The following PPP2R2C variants were observed in gnomAD, a reference collection of about 807,000 sequenced individuals.
PPP2R2C encodes the protein protein phosphatase 2 regulatory subunit Bgamma, also known as protein phosphatase 2, regulatory subunit B, gamma.
Under a neutral mutation model 45.3 loss-of-function variants are expected in PPP2R2C, and 10 were observed. That is an observed-to-expected ratio of 0.22 (90% confidence interval 0.14 to 0.37). The LOEUF (loss-of-function observed/expected upper bound fraction) is 0.37, where lower values mean the gene tolerates loss of function less well. Ranked by LOEUF, PPP2R2C falls within the 10% of genes least tolerant of loss-of-function variation. PPP2R2C has a pLI of 1.00. For missense variants in PPP2R2C, 308 were observed against 619.7 expected, an observed-to-expected ratio of 0.50 and a Z score of 5.34; for synonymous variants, 257 against 245.4, an observed-to-expected ratio of 1.05 and a Z score of -0.44.
chr4:6,403,883 A>C (rs1366926744), intron 1 of PPP2R2C, among the ~76,000 whole-genome samples: 1 of 149,356 alleles, frequency 6.7e-6, no homozygotes, highest in African/African-American at 2.5e-5. Flanking sequence ...AAAAAAAAGT[A>C]CAACAAATCC....
At chr4:6,440,296 T>C (rs1669818409) in intron 1 of PPP2R2C, among the ~76,000 whole-genome samples, 1 of 152,222 alleles carries the variant, frequency 6.6e-6, no homozygotes, top group Admixed American at 6.5e-5. Context: ...ATTTAAGTTA[T>C]CAGAAAAGAG....
chr4:6,407,931 C>A (rs1717908718), intron 1 of PPP2R2C, among the ~76,000 whole-genome samples: 1 of 152,156 alleles, frequency 6.6e-6, no homozygotes, highest in African/African-American at 2.4e-5. Flanking sequence ...GCATAAAACA[C>A]ACACCGAATT....
Position 6,380,993 on chromosome 4 carries a change from G to A in PPP2R2C, c.168+4C>T, listed in dbSNP as rs760219922. Reference sequence around the variant, plus strand: ...CACCTCCCACCAGACCCAGGGCTTCGCACCTCTGGTTCCCGCTGGAAGATG... The same window carrying A: ...CACCTCCCACCAGACCCAGGGCTTCACACCTCTGGTTCCCGCTGGAAGATG... On this transcript the variant is annotated splice_donor_region_variant and intron_variant, in intron 2 of 8. Transcript: ENST00000382599. 6.8e-5 allele frequency: 102 copies of A among 1,509,330 alleles called. No individual in the cohort carries two copies. Among genetic ancestry groups the A allele is most frequent in the Admixed American group, 2.6e-4 (13 of 50,614 alleles). 93.5% of individuals were successfully genotyped at this position (1,509,330 alleles called of 1,614,324 possible).
intron 2 of PPP2R2C, among the ~76,000 whole-genome samples, chr4:6,525,295 C>T (rs148822429): frequency 0.012 from 1,771 of 151,770 alleles, 33 homozygotes; most frequent in African/African-American, 0.038. Flanking sequence ...ATCCCAGCTA[C>T]TCGGGAGGCT....
Position 6,323,565 on chromosome 4 carries a change from AGTT to A in PPP2R2C, c.1078_1080del (p.Asn360del). The A allele has an allele frequency of 1.9e-6, 3 of 1,575,106 alleles. No individual in the cohort carries two copies. The highest frequency in any genetic ancestry group is 1.7e-5 in the Admixed American group (1 of 58,586). On this transcript the variant is annotated inframe_deletion, in exon 9 of 9. Transcript: ENST00000382599. ...GTGTTCCGATCGAACATGCGGAAGA[AGTT>A]GTTGTAGGCCCCGGTCATGATGACG...
At chr4:6,472,643 C>T (rs1721978681), upstream of PPP2R2C, among the ~76,000 whole-genome samples, 2 of 147,586 alleles carry the variant, frequency 1.4e-5, no homozygotes, top group Non-Finnish European at 3.0e-5. Flanking sequence ...GCCGCCGCCG[C>T]TGTCGCAGGC....
At chr4:6,547,267 C>T (rs544532855) in intron 1 of PPP2R2C, among the ~76,000 whole-genome samples, 1 of 152,050 alleles carries the variant, frequency 6.6e-6, no homozygotes, top group South Asian at 2.1e-4. Context: ...CACTTCCTTA[C>T]ATAACCAAAA....
At chr4:6,553,163 G>T (rs907489771) in intron 1 of PPP2R2C, among the ~76,000 whole-genome samples, 2 of 152,244 alleles carry the variant, frequency 1.3e-5, no homozygotes, top group Non-Finnish European at 2.9e-5. Context: ...ACCATGGAGA[G>T]CACAGCCGAC....
intron 1 of PPP2R2C, among the ~76,000 whole-genome samples, chr4:6,461,839 T>C (rs577823841): frequency 6.6e-6 from 1 of 152,330 alleles, no homozygotes; most frequent in Admixed American, 6.5e-5. Context: ...CTACAGAAAG[T>C]GAGCACTGTG....
chr4:6,527,502 C>A (rs993909220), intron 2 of PPP2R2C, among the ~76,000 whole-genome samples: 3 of 152,222 alleles, frequency 2.0e-5, no homozygotes, highest in African/African-American at 4.8e-5. Flanking sequence ...GTGCCCCAAC[C>A]AACATGTGCC....
chr4:6,342,567 G>A (rs149249399), intron 6 of PPP2R2C, among the ~76,000 whole-genome samples: 69 of 152,262 alleles, frequency 4.5e-4, no homozygotes, highest in African/African-American at 1.6e-3. Flanking sequence ...GGCCATCATC[G>A]GCCCCGATTC....
chr4:6,407,556 G>A (rs1369807735), intron 1 of PPP2R2C, among the ~76,000 whole-genome samples: 5 of 151,990 alleles, frequency 3.3e-5, no homozygotes. Flanking sequence ...CACCACACCC[G>A]GCTAATTATT....
At position 6,372,496 on chromosome 4, in the gene PPP2R2C, C is replaced by T. The variant is rs759874701; in HGVS notation, c.625+27G>A. On this transcript the variant is annotated intron_variant, in intron 5 of 8. Transcript: ENST00000382599. ...CGGAAGCTACTCTGCCCGTGGGAGG[C>T]ACTGGCCAGGCCACAGTGAAGGATA... 10 of 1,536,426 alleles carry T rather than the reference C, an allele frequency of 6.5e-6. No individual in the cohort carries two copies. In the South Asian group the frequency reaches 1.1e-4, roughly 17 times the overall value.
chr4:6,511,908 GGTGGT>G (rs1273666469), intron 2 of PPP2R2C, among the ~76,000 whole-genome samples: 1 of 103,026 alleles, frequency 9.7e-6, no homozygotes. Context: ...TGGTGGTGGT[GGTGGT>G]GATGGTGGTG....
chr4:6,325,164 C>T (rs1289468383), intron 8 of PPP2R2C, among the ~76,000 whole-genome samples: 1 of 152,180 alleles, frequency 6.6e-6, no homozygotes, highest in Non-Finnish European at 1.5e-5. Flanking sequence ...CCCTGACATG[C>T]GCACTCTCTT....
chr4:6,415,498 C>T (rs915272721), intron 1 of PPP2R2C, among the ~76,000 whole-genome samples: 10 of 152,332 alleles, frequency 6.6e-5, no homozygotes, highest in African/African-American at 2.2e-4. Flanking sequence ...AGCAGGCTTT[C>T]TCAGAACCCA....
intron 1 of PPP2R2C, among the ~76,000 whole-genome samples, chr4:6,401,006 G>A (rs1009590382): frequency 5.3e-5 from 8 of 152,136 alleles, no homozygotes; most frequent in Non-Finnish European, 8.8e-5. Context: ...CACACACGTT[G>A]GTCAAGTGGC....
At chr4:6,403,515 T>C (rs1440991325) in intron 1 of PPP2R2C, among the ~76,000 whole-genome samples, 1 of 152,164 alleles carries the variant, frequency 6.6e-6, no homozygotes, top group Non-Finnish European at 1.5e-5. Flanking sequence ...TCCCAAAGCC[T>C]TCCCTGGCCT....
chr4:6,398,413 A>T (rs146298927), intron 1 of PPP2R2C, among the ~76,000 whole-genome samples: 1 of 152,200 alleles, frequency 6.6e-6, no homozygotes, highest in Non-Finnish European at 1.5e-5. Flanking sequence ...TAATATAAAC[A>T]CAAGCAACCT....
Sources: allele counts gnomAD v4.1 joint callset (sites outside exome capture counted in the v4.1 genomes callset), GRCh38; gene constraint gnomAD v4.1.1; transcripts MANE v1.5; gene names NCBI Gene and HGNC (gene_info 2026-07-23, HGNC 2026-07-21).